SLC38A12: variants seen among roughly 807,000 people sequenced by gnomAD.
SLC38A12 encodes putative sodium-coupled neutral amino acid transporter 12.
At chr17:74,797,441 G>A in the SLC38A12 span, among the ~76,000 whole-genome samples, 219 of 152,334 alleles carry the variant, frequency 1.4e-3, no homozygotes, top group African/African-American at 4.8e-3. Flanking sequence ...GGAGACCCTG[G>A]CTGCCCACGA....
the SLC38A12 span, among the ~76,000 whole-genome samples, chr17:74,796,233 A>G: frequency 6.6e-6 from 1 of 152,376 alleles, no homozygotes; most frequent in South Asian, 2.1e-4. Context: ...ATACAAAATC[A>G]GAGACAGTTA....
At chr17:74,807,204 G>A in the SLC38A12 span, among the ~76,000 whole-genome samples, 33 of 151,468 alleles carry the variant, frequency 2.2e-4, no homozygotes, top group Non-Finnish European at 3.7e-4. Context: ...TCAGAGGAGC[G>A]TTCGTCTAGT....
At chr17:74,779,475 A>C in the SLC38A12 span, among the ~76,000 whole-genome samples, 1 of 152,182 alleles carries the variant, frequency 6.6e-6, no homozygotes, top group Non-Finnish European at 1.5e-5. Flanking sequence ...TGTGACATCA[A>C]ACAGGAGGTG....
At chr17:74,820,236 G>T in the SLC38A12 span, among the ~76,000 whole-genome samples, 1 of 152,206 alleles carries the variant, frequency 6.6e-6, no homozygotes, top group Non-Finnish European at 1.5e-5. Flanking sequence ...GCACGAGAGC[G>T]GCGCGGCTCT....
chr17:74,795,049 C>T, the SLC38A12 span: 1 of 1,614,140 alleles, frequency 6.2e-7, no homozygotes, highest in South Asian at 1.1e-5. Flanking sequence ...TCATCGTTTA[C>T]CTGTATGGAG....
the SLC38A12 span, chr17:74,795,546 T>C: frequency 1.9e-6 from 3 of 1,614,102 alleles, no homozygotes; most frequent in South Asian, 2.2e-5. Context: ...CAATGACTCC[T>C]GCGGTGTGGA....
chr17:74,777,402 C>T, the SLC38A12 span: 95 of 1,613,972 alleles, frequency 5.9e-5, no homozygotes, highest in Non-Finnish European at 7.7e-5. Context: ...GAACCTTTTG[C>T]TCACTTAAGT....
chr17:74,794,900 A>G, the SLC38A12 span: 1 of 863,378 alleles, frequency 1.2e-6, no homozygotes, highest in Non-Finnish European at 1.8e-6. Flanking sequence ...AACAGCTCAG[A>G]GAACTGAAAG....
At chr17:74,797,140 C>T in the SLC38A12 span, among the ~76,000 whole-genome samples, 2 of 152,196 alleles carry the variant, frequency 1.3e-5, no homozygotes, top group African/African-American at 4.8e-5. Flanking sequence ...GGATACTGAG[C>T]GCTGGGAATA....
At chr17:74,797,590 T>C in the SLC38A12 span, among the ~76,000 whole-genome samples, 3 of 152,210 alleles carry the variant, frequency 2.0e-5, no homozygotes, top group African/African-American at 4.8e-5. Context: ...AGATGGGCCT[T>C]GGCATTGTCT....
At chr17:74,805,769 G>A in the SLC38A12 span, among the ~76,000 whole-genome samples, 62 of 152,296 alleles carry the variant, frequency 4.1e-4, no homozygotes, top group African/African-American at 1.4e-3. This position sits in a 1 kb window ranked among gnomAD's most constrained non-coding sequence, Gnocchi z 5.0. Context: ...CTGCTGGAGC[G>A]TTCCCACTGC....
the SLC38A12 span, among the ~76,000 whole-genome samples, chr17:74,803,582 C>A: frequency 2.3e-3 from 350 of 152,330 alleles, 3 homozygotes; most frequent in African/African-American, 8.2e-3. Flanking sequence ...CCCAGTCAGA[C>A]CCCGAGCCCG....
the SLC38A12 span, among the ~76,000 whole-genome samples, chr17:74,813,566 C>T: frequency 1.3e-5 from 2 of 152,056 alleles, no homozygotes; most frequent in Admixed American, 6.5e-5. Flanking sequence ...CTCAGCTTAC[C>T]ACAACCTCAC....
the SLC38A12 span, among the ~76,000 whole-genome samples, chr17:74,826,399 C>G: frequency 0.3 from 45,134 of 152,158 alleles, 6,957 homozygotes; most frequent in East Asian, 0.44. Flanking sequence ...TATAAAGCTG[C>G]TTGTTTCAGC....
chr17:74,785,589 C>T, the SLC38A12 span: 1 of 1,613,852 alleles, frequency 6.2e-7, no homozygotes, highest in Non-Finnish European at 8.5e-7. Flanking sequence ...TGCTGGTGTT[C>T]CTGGGCTTCA....
chr17:74,815,486 G>C, the SLC38A12 span, among the ~76,000 whole-genome samples: 1 of 152,182 alleles, frequency 6.6e-6, no homozygotes, highest in Non-Finnish European at 1.5e-5. Context: ...GAGAAATTTG[G>C]GGATGGGGAG....
At chr17:74,795,587 G>A in the SLC38A12 span, 1 of 1,614,058 alleles carries the variant, frequency 6.2e-7, no homozygotes, top group Non-Finnish European at 8.5e-7. Flanking sequence ...ACACTGACCG[G>A]TGCTGGGGGC....
At chr17:74,788,937 G>A in the SLC38A12 span, 2 of 1,452,912 alleles carry the variant, frequency 1.4e-6, no homozygotes, top group South Asian at 1.2e-5. Context: ...GGCGGTCTCA[G>A]CAGCCCATTC....
chr17:74,795,168 T>A, the SLC38A12 span: 1 of 1,444,924 alleles, frequency 6.9e-7, no homozygotes, highest in Non-Finnish European at 9.7e-7. Flanking sequence ...CCTCAGCAAG[T>A]CAGGGCAGAG....
Sources: gnomAD v4.1 joint callset for allele counts (sites outside exome capture counted in the v4.1 genomes callset) on GRCh38, gnomAD v4.1.1 for gene constraint, Gnocchi (gnomAD v3.1) non-coding constraint, MANE v1.5 for transcripts, NCBI Gene and HGNC (gene_info 2026-07-23, HGNC 2026-07-21) for gene names.